CHUK: variants seen among roughly 807,000 people sequenced by gnomAD.
The protein encoded by CHUK is component of inhibitor of nuclear factor kappa B kinase complex.
Under a neutral mutation model 104.8 loss-of-function variants are expected in CHUK, and 35 were observed. The observed-to-expected ratio is 0.33, with a 90% CI of 0.26 to 0.44. CHUK has a LOEUF of 0.44. CHUK is among the 20% of genes least tolerant of loss of function. The pLI is 1.00. For missense variants in CHUK, 663 were observed against 902.7 expected, an observed-to-expected ratio of 0.73 and a Z score of 3.40; for synonymous variants, 276 against 291.9, an observed-to-expected ratio of 0.95 and a Z score of 0.56.
At chr10:100,208,850 A>T (rs1845654479) in intron 10 of CHUK, among the ~76,000 whole-genome samples, 1 of 152,110 alleles carries the variant, frequency 6.6e-6, no homozygotes, top group Non-Finnish European at 1.5e-5. Flanking sequence ...AAGCCTACCA[A>T]GAGTTCTGCC....
intron 9 of CHUK, among the ~76,000 whole-genome samples, chr10:100,211,994 T>C (rs1468348447): frequency 6.6e-6 from 1 of 152,102 alleles, no homozygotes; most frequent in East Asian, 1.9e-4. Flanking sequence ...GCAATTATCC[T>C]GCCTCAGCCT....
chr10:100,204,399 T>C, intron 13 of CHUK, 107 bp downstream of exon 13: 2 of 869,968 alleles, frequency 2.3e-6, no homozygotes, highest in South Asian at 2.7e-5. Flanking sequence ...CTGTCTCTTG[T>C]TCTAATGTGA....
At chr10:100,225,291 C>G (rs1033413251) in intron 2 of CHUK, among the ~76,000 whole-genome samples, 2 of 152,206 alleles carry the variant, frequency 1.3e-5, no homozygotes, top group Non-Finnish European at 2.9e-5. Context: ...CACCATTCTA[C>G]TTTCTTTCAC....
At chr10:100,222,585 A>AG (rs1289437846) in intron 3 of CHUK, among the ~76,000 whole-genome samples, 1 of 152,208 alleles carries the variant, frequency 6.6e-6, no homozygotes, top group Non-Finnish European at 1.5e-5. Flanking sequence ...TTTCTAAATC[A>AG]GGAGTCAACA....
At chr10:100,197,907 T>A (rs1845374222) in intron 16 of CHUK, among the ~76,000 whole-genome samples, 1 of 150,834 alleles carries the variant, frequency 6.6e-6, no homozygotes, top group Non-Finnish European at 1.5e-5. Context: ...AAAATTTGAG[T>A]GAGAACACTT....
At chr10:100,201,996 G>GA in intron 14 of CHUK, 92 bp downstream of exon 14, 1 of 962,040 alleles carries the variant, frequency 1.0e-6, no homozygotes. Flanking sequence ...GGAATGACAT[G>GA]AAAAATGCTC....
intron 9 of CHUK, among the ~76,000 whole-genome samples, chr10:100,210,899 T>G (rs969189260): frequency 2.0e-5 from 3 of 152,116 alleles, no homozygotes; most frequent in Non-Finnish European, 4.4e-5. Flanking sequence ...AGCCACAGAG[T>G]TGGACTTCAG....
At chr10:100,193,927 TGCAAGGAATAATA>T in intron 18 of CHUK, 44 bp downstream of exon 18, 1 of 1,516,010 alleles carries the variant, frequency 6.6e-7, no homozygotes, top group Non-Finnish European at 9.1e-7. Context: ...AAATCCCCTT[TGCAAGGAATAATA>T]GCAACTCAAT....
At chr10:100,217,198 G>A (rs916633454) in intron 9 of CHUK, among the ~76,000 whole-genome samples, 3 of 151,090 alleles carry the variant, frequency 2.0e-5, no homozygotes, top group Non-Finnish European at 4.4e-5. Flanking sequence ...GGCAAAACTT[G>A]GTTAGGGAAA....
At chr10:100,205,779 T>A (rs1400291081) in intron 11 of CHUK, among the ~76,000 whole-genome samples, 2 of 151,988 alleles carry the variant, frequency 1.3e-5, no homozygotes, top group Admixed American at 6.6e-5. Flanking sequence ...AATGCAAAAA[T>A]TAGCTGGGCG....
intron 5 of CHUK, among the ~76,000 whole-genome samples, chr10:100,219,908 A>AT (rs1031426374): frequency 6.6e-6 from 1 of 152,116 alleles, no homozygotes; most frequent in Non-Finnish European, 1.5e-5. Context: ...GAGAAGAGGC[A>AT]TCACCAAGGT....
Position 100,222,153 on chromosome 10 carries a change from C to T in CHUK, c.344G>A (p.Gly115Glu). The T allele has an allele frequency of 6.3e-7, 1 of 1,599,882 alleles. No homozygotes were observed. Among genetic ancestry groups the T allele is most frequent in the Non-Finnish European group, 8.6e-7 (1 of 1,168,652 alleles). Residue 115 changes from glycine (G) to glutamate (E), a missense_variant, in exon 4 of 21, where the codon GGA (glycine) becomes GAA (glutamate). By Grantham distance (98) the Gly-to-Glu change is moderately conservative. Around this residue, in one of 5 missense-constraint regions of CHUK, gnomAD observed 200 missense variants for 333.0 expected, o/e 0.60. Coordinates refer to ENST00000370397, the MANE Select transcript of CHUK (RefSeq NM_001278.5). Reference sequence around the variant, plus strand: ...AGAAAGTATCTGGCTTTCTTTAAGTCCACAACAATTTTCTGGTTTGTTGAG... The same window carrying T: ...AGAAAGTATCTGGCTTTCTTTAAGTTCACAACAATTTTCTGGTTTGTTGAG... ...KLLNKPENCC[G>E]LKESQILSLL... is the part of the protein sequence containing the mutation.
At chr10:100,211,939 G>A (rs1845738621) in intron 9 of CHUK, among the ~76,000 whole-genome samples, 1 of 151,304 alleles carries the variant, frequency 6.6e-6, no homozygotes, top group African/African-American at 2.4e-5. Context: ...GATGTGCAGT[G>A]GCATGATCTC....
intron 9 of CHUK, among the ~76,000 whole-genome samples, chr10:100,215,650 C>T (rs1004766919): frequency 6.6e-6 from 1 of 152,136 alleles, no homozygotes; most frequent in Non-Finnish European, 1.5e-5. Context: ...AATATGCATA[C>T]AATCAGACTT....
intron 20 of CHUK, 173 bp downstream of exon 20, chr10:100,190,696 T>G: frequency 1.5e-6 from 1 of 652,260 alleles, no homozygotes; most frequent in East Asian, 2.8e-5. Context: ...AGTATATCCC[T>G]GAGTAACGGC....
intron 13 of CHUK, among the ~76,000 whole-genome samples, chr10:100,202,718 A>G (rs1044522138): frequency 2.5e-4 from 38 of 152,158 alleles, no homozygotes; most frequent in Non-Finnish European, 4.0e-4. Flanking sequence ...TTAAAAATAT[A>G]TATATTTATA....
At position 100,228,634 on chromosome 10, in the gene CHUK, G is replaced by A. The variant is rs544094460; in HGVS notation, c.105+794C>T. Among the ~76,000 whole-genome samples the A allele has an allele frequency of 4.6e-5, 7 of 152,284 alleles. No individual in the cohort carries two copies. The East Asian group carries it at 9.6e-4, about 21-fold the overall frequency. Reference sequence around the variant, plus strand: ...TCGCGCCCTGCATTCCAGCCTGGGCGACAGAGTGAGACTCCGTCTCAAAAA... The same window carrying A: ...TCGCGCCCTGCATTCCAGCCTGGGCAACAGAGTGAGACTCCGTCTCAAAAA... On this transcript the variant is annotated intron_variant, in intron 1 of 20. Coordinates refer to ENST00000370397, the MANE Select transcript of CHUK (RefSeq NM_001278.5).
At chr10:100,215,948 G>C (rs1193798036) in intron 9 of CHUK, among the ~76,000 whole-genome samples, 1 of 152,100 alleles carries the variant, frequency 6.6e-6, no homozygotes, top group Non-Finnish European at 1.5e-5. Flanking sequence ...GAAGCTTCTT[G>C]AACTACTATA....
chr10:100,190,253 T>C (rs1392700032), intron 20 of CHUK: 1 of 157,034 alleles, frequency 6.4e-6, no homozygotes, highest in Admixed American at 6.3e-5. Context: ...ACTCCTGGGC[T>C]CAAGCAATCC....
Sources: allele counts gnomAD v4.1 joint callset (sites outside exome capture counted in the v4.1 genomes callset), GRCh38; gene constraint gnomAD v4.1.1; regional missense constraint gnomAD v4.1.1; transcripts MANE v1.5; gene names NCBI Gene and HGNC (gene_info 2026-07-23, HGNC 2026-07-21).